The following PITPNM3 variants were observed in gnomAD, a reference collection of about 807,000 sequenced individuals.
PITPNM3 encodes the protein membrane-associated phosphatidylinositol transfer protein 3.
PITPNM3 carries 26 observed loss-of-function variants against 102.0 expected under a neutral mutation model. That is an observed-to-expected ratio of 0.25 (90% confidence interval 0.19 to 0.35). The LOEUF (loss-of-function observed/expected upper bound fraction) is 0.35. Ranked by LOEUF, PITPNM3 falls within the 10% of genes least tolerant of loss-of-function variation. The pLI is 1.00. For synonymous variants in PITPNM3, 578 were observed against 558.6 expected, an observed-to-expected ratio of 1.03 and a Z score of -0.49; for missense variants, 1,083 against 1,346.1, an observed-to-expected ratio of 0.80 and a Z score of 3.06.
Position 6,556,029 on chromosome 17 carries a change from G to T in PITPNM3, c.22+356C>A, listed in dbSNP as rs1482228205. Among the ~76,000 whole-genome samples the T allele has an allele frequency of 6.6e-6, 1 of 152,148 alleles. No individual in the cohort carries two copies. The highest frequency in any genetic ancestry group is 1.5e-5 in the Non-Finnish European group (1 of 68,002). On this transcript the variant is annotated intron_variant, in intron 1 of 19. Transcript: ENST00000262483. This position sits in a 1 kb window ranked among gnomAD's most constrained non-coding sequence, Gnocchi z 5.2. ...GCGTTGGGGTGTGGGACGAAGCGGC[G>T]GCCGCGGGACATCCCCTTCGGTGGC...
chr17:6,457,546 C>G lies in PITPNM3; in HGVS notation c.2619+48G>C. Reference sequence around the variant, plus strand: ...AAGTGCTTACTCCCTCTATCCCTTTCCCTGACCTCCCTCACAACTCCCCGC... The same window carrying G: ...AAGTGCTTACTCCCTCTATCCCTTTGCCTGACCTCCCTCACAACTCCCCGC... On this transcript the variant is annotated intron_variant, in intron 19 of 19. Coordinates refer to ENST00000262483, the MANE Select transcript of PITPNM3 (RefSeq NM_031220.4). This position sits in a 1 kb window ranked among gnomAD's most constrained non-coding sequence, Gnocchi z 4.7. The G allele has an allele frequency of 6.2e-7, 1 of 1,612,546 alleles. No homozygotes were observed. Among genetic ancestry groups the G allele is most frequent in the African/African-American group, 1.3e-5 (1 of 75,048 alleles).
chr17:6,460,999 G>A, intron 18 of PITPNM3: 2 of 339,094 alleles, frequency 5.9e-6, no homozygotes, highest in South Asian at 2.7e-5. Context: ...CCGGGTCACG[G>A]AAAGCACATC....
chr17:6,544,652 T>TCA lies in PITPNM3; in HGVS notation c.23-6571_23-6570insTG, dbSNP rs1381269734. On this transcript the variant is annotated intron_variant, in intron 1 of 19. Transcript: ENST00000262483. ...CTCTCTCTCTCTCTCTCTCTCTCTCTCTCACACACACACACACACACACAC... is the reference window on the plus strand; with the variant it reads ...CTCTCTCTCTCTCTCTCTCTCTCTCTCACTCACACACACACACACACACACAC... Among the ~76,000 whole-genome samples, 139 of 70,228 alleles carry TCA rather than the reference T, an allele frequency of 2.0e-3. 1 individual carries two copies. Among genetic ancestry groups the TCA allele is most frequent in the African/African-American group, 9.0e-3 (113 of 12,504 alleles). The allele number at this position is 70,228 out of a possible 152,430, so 46.1% of individuals were successfully genotyped here. A position where few individuals can be genotyped will look rare whatever the true frequency, so the allele number is the denominator to read the frequency against.
chr17:6,498,128 G>T (rs867331650), intron 4 of PITPNM3, among the ~76,000 whole-genome samples: 6 of 152,220 alleles, frequency 3.9e-5, no homozygotes, highest in Admixed American at 1.3e-4. Flanking sequence ...GGGTGAGCCG[G>T]GCTTGCTGGA....
intron 1 of PITPNM3, among the ~76,000 whole-genome samples, chr17:6,545,048 G>T (rs921236036): frequency 6.6e-6 from 1 of 152,008 alleles, no homozygotes; most frequent in African/African-American, 2.4e-5. Context: ...CTCCTCCCTC[G>T]AGGAAACCAC....
intron 4 of PITPNM3, 21 bp downstream of exon 4, chr17:6,503,506 A>G: frequency 6.2e-7 from 1 of 1,611,662 alleles, no homozygotes; most frequent in South Asian, 1.1e-5. Flanking sequence ...AAATGACCCC[A>G]CAGGGTCAGG....
chr17:6,482,293 C>T (rs965079859), intron 6 of PITPNM3, among the ~76,000 whole-genome samples: 1 of 151,966 alleles, frequency 6.6e-6, no homozygotes, highest in East Asian at 1.9e-4. Context: ...TCTGTCCAAC[C>T]ACATATCTAT....
intron 1 of PITPNM3, among the ~76,000 whole-genome samples, chr17:6,551,743 T>G (rs1399550999): frequency 6.6e-6 from 1 of 152,176 alleles, no homozygotes; most frequent in Admixed American, 6.5e-5. Context: ...AAATTTTTTT[T>G]TTTTTAATCT....
rs1424356190 is a variant in PITPNM3 at position 6,451,900 on chromosome 17, T to G, written c.*3438A>C. On this transcript the variant is annotated 3_prime_UTR_variant, in exon 20 of 20. Transcript: ENST00000262483. ...CCCCCCCCCCCGCCCGCCGATGGGATTCGGTGGGAAAGTTGGTTGTTTAAG... is the reference window on the plus strand; with the variant it reads ...CCCCCCCCCCCGCCCGCCGATGGGAGTCGGTGGGAAAGTTGGTTGTTTAAG... 1 of 71,456 alleles carries G rather than the reference T, an allele frequency of 1.4e-5. No homozygotes were observed. Among genetic ancestry groups the G allele is most frequent in the African/African-American group, 5.0e-5 (1 of 19,864 alleles). 4.4% of individuals were successfully genotyped at this position (71,456 alleles called of 1,614,324 possible). A position where few individuals can be genotyped will look rare whatever the true frequency, so the allele number is the denominator to read the frequency against.
intron 2 of PITPNM3, among the ~76,000 whole-genome samples, chr17:6,528,857 T>G (rs912115412): frequency 2.6e-5 from 4 of 152,142 alleles, no homozygotes; most frequent in African/African-American, 9.7e-5. Flanking sequence ...ATATCTCCTT[T>G]TGGAGCCATT....
intron 15 of PITPNM3, 101 bp downstream of exon 15, chr17:6,464,554 A>G: frequency 7.8e-7 from 1 of 1,275,190 alleles, no homozygotes; most frequent in Non-Finnish European, 1.1e-6. Context: ...CACCCCAGGC[A>G]GCTCGGCCCT....
intron 1 of PITPNM3, among the ~76,000 whole-genome samples, chr17:6,555,000 G>A (rs890519724): frequency 2.6e-5 from 4 of 152,188 alleles, no homozygotes; most frequent in African/African-American, 9.7e-5. Flanking sequence ...CACAGGGTAG[G>A]GCAGCAGATG....
At chr17:6,546,569 G>A (rs972244914) in intron 1 of PITPNM3, among the ~76,000 whole-genome samples, 4 of 152,176 alleles carry the variant, frequency 2.6e-5, no homozygotes, top group African/African-American at 9.7e-5. Flanking sequence ...ACCACACCAC[G>A]AACCTGACCA....
chr17:6,501,941 C>T (rs1175129521), intron 4 of PITPNM3, among the ~76,000 whole-genome samples: 7 of 152,210 alleles, frequency 4.6e-5, no homozygotes, highest in Non-Finnish European at 1.0e-4. Context: ...TAAAGACCCA[C>T]AGGTAATTTT....
At chr17:6,545,233 G>A (rs185399662) in intron 1 of PITPNM3, among the ~76,000 whole-genome samples, 3 of 152,302 alleles carry the variant, frequency 2.0e-5, no homozygotes, top group Non-Finnish European at 1.5e-5. Flanking sequence ...ATTTCAAAAC[G>A]GTTTAGCAGA....
intron 1 of PITPNM3, among the ~76,000 whole-genome samples, chr17:6,541,254 C>A (rs1215791261): frequency 6.7e-6 from 1 of 149,558 alleles, no homozygotes; most frequent in Non-Finnish European, 1.5e-5. Context: ...CAAGCAGAGG[C>A]CTGAATAATA....
At chr17:6,520,971 C>T (rs1908473273) in intron 3 of PITPNM3, among the ~76,000 whole-genome samples, 3 of 152,284 alleles carry the variant, frequency 2.0e-5, no homozygotes, top group African/African-American at 7.2e-5. Context: ...TGATGTTTAC[C>T]AAGGGCTGGG....
At chr17:6,493,877 T>G (rs528672305) in intron 4 of PITPNM3, among the ~76,000 whole-genome samples, 13 of 152,350 alleles carry the variant, frequency 8.5e-5, no homozygotes, top group Non-Finnish European at 1.9e-4. Flanking sequence ...GGAACAGTTC[T>G]CATGGGGGAT....
Position 6,470,542 on chromosome 17 carries a change from C to T in PITPNM3, c.1625-134G>A. 4 of 1,186,996 alleles carry T rather than the reference C, an allele frequency of 3.4e-6. No homozygotes were observed. Among genetic ancestry groups the T allele is most frequent in the Non-Finnish European group, 4.9e-6 (4 of 814,142 alleles). The allele number at this position is 1,186,996 out of a possible 1,614,324, so 73.5% of individuals were successfully genotyped here. A position where few individuals can be genotyped will look rare whatever the true frequency, so the allele number is the denominator to read the frequency against. ...ACGGGTTTGGGCGGGAGCACCCTGG[C>T]CTGGAGGAGGCCTGGGGAACGCGCT... On this transcript the variant is annotated intron_variant, in intron 12 of 19. Transcript: ENST00000262483. The surrounding 1 kb of genome is among the most constrained non-coding windows in gnomAD (Gnocchi z 4.8).
Sources: allele counts gnomAD v4.1 joint callset (sites outside exome capture counted in the v4.1 genomes callset), GRCh38; gene constraint gnomAD v4.1.1; non-coding constraint Gnocchi (gnomAD v3.1); transcripts MANE v1.5; gene names NCBI Gene and HGNC (gene_info 2026-07-23, HGNC 2026-07-21).